The following LARGE1 variants were observed in gnomAD, a reference collection of about 807,000 sequenced individuals.
LARGE1 encodes xylosyl- and glucuronyltransferase LARGE1.
Under a neutral mutation model 87.6 loss-of-function variants are expected in LARGE1, and 43 were observed. That is an observed-to-expected ratio of 0.49 (90% CI 0.38 to 0.63). The LOEUF (loss-of-function observed/expected upper bound fraction) is 0.63, where lower values mean the gene tolerates loss of function less well. Among genes scored for constraint, LARGE1 ranks in the 30% least tolerant of loss-of-function variants. The pLI, the probability that LARGE1 is intolerant of heterozygous loss-of-function variation, is 0.00. For missense variants in LARGE1, 802 were observed against 1,000.2 expected (o/e 0.80, Z 2.67); for synonymous variants, 434 against 394.6 (o/e 1.10, Z -1.18).
chr22:33,411,311 A>C (rs2066297947), intron 7 of LARGE1, among the ~76,000 whole-genome samples: 1 of 152,248 alleles, frequency 6.6e-6, no homozygotes, highest in South Asian at 2.1e-4. Context: ...TCACTTGGCC[A>C]CTGGTCAACG....
chr22:33,658,845 A>AAGGTTG (rs1199414933), intron 2 of LARGE1, among the ~76,000 whole-genome samples: 3 of 152,186 alleles, frequency 2.0e-5, no homozygotes, highest in Non-Finnish European at 2.9e-5. Flanking sequence ...ATGTGTAATG[A>AAGGTTG]AGGTTGAGAA....
At chr22:33,599,604 T>C (rs977741992) in intron 5 of LARGE1, among the ~76,000 whole-genome samples, 1 of 152,206 alleles carries the variant, frequency 6.6e-6, no homozygotes, top group Non-Finnish European at 1.5e-5. Flanking sequence ...ACCAGTCCAC[T>C]GCGAATTTCC....
At chr22:33,878,989 T>G (rs566304450) in intron 1 of LARGE1, among the ~76,000 whole-genome samples, 2 of 152,130 alleles carry the variant, frequency 1.3e-5, no homozygotes, top group South Asian at 4.2e-4. Flanking sequence ...TCTTCCTTTT[T>G]TTTTTTTTAG....
chr22:33,522,657 C>T (rs1351188393), intron 6 of LARGE1, among the ~76,000 whole-genome samples: 6 of 151,856 alleles, frequency 4.0e-5, no homozygotes, highest in African/African-American at 1.5e-4. Context: ...ATGGTGAAAC[C>T]CCATCTGTAC....
chr22:33,453,629 T>C (rs1428846452), intron 6 of LARGE1, among the ~76,000 whole-genome samples: 1 of 152,140 alleles, frequency 6.6e-6, no homozygotes, highest in Non-Finnish European at 1.5e-5. Context: ...TTGGAGTACA[T>C]CTGACTGGCA....
intron 11 of LARGE1, among the ~76,000 whole-genome samples, chr22:33,204,387 T>A (rs1441648864): frequency 2.0e-5 from 3 of 152,180 alleles, no homozygotes; most frequent in African/African-American, 4.8e-5. Context: ...ACTAAAACCA[T>A]CAGAGAGGAT....
At chr22:33,343,684 C>G (rs1352349703) in intron 9 of LARGE1, among the ~76,000 whole-genome samples, 3 of 152,044 alleles carry the variant, frequency 2.0e-5, no homozygotes, top group Non-Finnish European at 4.4e-5. Flanking sequence ...TCAAAACAAC[C>G]TGGTATGGTG....
chr22:33,902,832 C>G (rs1444190064), intron 1 of LARGE1, among the ~76,000 whole-genome samples: 1 of 152,138 alleles, frequency 6.6e-6, no homozygotes, highest in Non-Finnish European at 1.5e-5. Context: ...GTGACGGGGT[C>G]TTTAAAAAGG....
chr22:33,089,458 CTCTTCCTCTTCT>C, the LARGE1 span, among the ~76,000 whole-genome samples: 2 of 107,780 alleles, frequency 1.9e-5, no homozygotes, highest in Non-Finnish European at 3.3e-5. Context: ...CTTCTTCCTC[CTCTTCCTCTTCT>C]TCTTCCTCTT....
chr22:33,642,500 G>C (rs995258343), intron 3 of LARGE1, among the ~76,000 whole-genome samples: 12 of 151,738 alleles, frequency 7.9e-5, no homozygotes, highest in Non-Finnish European at 1.5e-5. Context: ...TAACCAGCTA[G>C]CATCATGATG....
intron 1 of LARGE1, among the ~76,000 whole-genome samples, chr22:33,773,769 C>A (rs1443626000): frequency 2.0e-5 from 3 of 152,180 alleles, no homozygotes; most frequent in Admixed American, 6.5e-5. Flanking sequence ...AAGCCCATGG[C>A]AATATCAGGC....
chr22:33,280,853 G>A (rs1246460146), intron 13 of LARGE1, among the ~76,000 whole-genome samples: 1 of 152,182 alleles, frequency 6.6e-6, no homozygotes, highest in East Asian at 1.9e-4. Flanking sequence ...GAATTATCTG[G>A]AAGACTGGTT....
At chr22:33,708,232 A>G (rs1253316911) in intron 2 of LARGE1, among the ~76,000 whole-genome samples, 3 of 142,960 alleles carry the variant, frequency 2.1e-5, no homozygotes, top group Admixed American at 1.4e-4. Context: ...AGTTGCTGAT[A>G]TGGAGCTGCT....
intron 2 of LARGE1, chr22:33,726,202 AT>A (rs2083268554): frequency 6.6e-6 from 1 of 152,102 alleles, no homozygotes; most frequent in African/African-American, 2.4e-5. Flanking sequence ...CGACAGGTAA[AT>A]AAGTAGATGG....
At chr22:33,434,983 G>T (rs1456465671) in intron 6 of LARGE1, among the ~76,000 whole-genome samples, 1 of 152,080 alleles carries the variant, frequency 6.6e-6, no homozygotes, top group Non-Finnish European at 1.5e-5. Context: ...ACTTCCTACT[G>T]TTTTTTGTTT....
At chr22:33,103,021 C>T in the LARGE1 span, among the ~76,000 whole-genome samples, 7 of 152,094 alleles carry the variant, frequency 4.6e-5, no homozygotes, top group Admixed American at 6.6e-5. Flanking sequence ...TAGGATCTCC[C>T]GCGGCCCCTG....
Position 33,536,008 on chromosome 22 carries a change from C to T in LARGE1, c.787+28840G>A, listed in dbSNP as rs76045817. Among the ~76,000 whole-genome samples, 1,467 of 152,240 alleles carry T rather than the reference C, an allele frequency of 9.6e-3. 24 individuals are homozygous for T. The highest frequency in any genetic ancestry group is 0.032 in the African/African-American group (1,338 of 41,542). On this transcript the variant is annotated intron_variant, in intron 6 of 14. Coordinates refer to ENST00000397394, the MANE Select transcript of LARGE1 (RefSeq NM_133642.5). ...GCCATGTTTTATAATTCGCATGAAACAAAAAAGTCCGCATGGTCACTTAAA... is the reference window on the plus strand; with the variant it reads ...GCCATGTTTTATAATTCGCATGAAATAAAAAAGTCCGCATGGTCACTTAAA...
chr22:33,921,994 G>A (rs1271471407), upstream of LARGE1, among the ~76,000 whole-genome samples: 1 of 152,028 alleles, frequency 6.6e-6, no homozygotes, highest in African/African-American at 2.4e-5. This position sits in a 1 kb window ranked among gnomAD's most constrained non-coding sequence, Gnocchi z 4.1. Flanking sequence ...CCGGAGCTCC[G>A]GGCGCGCGAT....
intron 6 of LARGE1, among the ~76,000 whole-genome samples, chr22:33,556,560 G>GAGGGAGGGAGGA (rs1213839317): frequency 2.6e-5 from 2 of 76,876 alleles, no homozygotes; most frequent in African/African-American, 6.6e-5. Context: ...GGGAGGGAGG[G>GAGGGAGGGAGGA]AGGGAGGCAG....
Sources: allele counts gnomAD v4.1 joint callset (sites outside exome capture counted in the v4.1 genomes callset), GRCh38; gene constraint gnomAD v4.1.1; non-coding constraint Gnocchi (gnomAD v3.1); transcripts MANE v1.5; gene names NCBI Gene and HGNC (gene_info 2026-07-23, HGNC 2026-07-21).